Variants in BICC1 observed in about 807,000 individuals in gnomAD.
BICC1 encodes BicC family RNA binding protein 1.
A neutral mutation model predicts 111.0 loss-of-function variants in BICC1; 43 were observed. That is an observed-to-expected ratio of 0.39 (90% CI 0.30 to 0.50). The LOEUF is 0.50. Among genes scored for constraint, BICC1 ranks in the 20% least tolerant of loss-of-function variants. The pLI is 0.88. For synonymous variants in BICC1, 467 were observed against 434.4 expected (o/e 1.07, Z -0.93); for missense variants, 1,091 against 1,203.2 (o/e 0.91, Z 1.38).
intron 3 of BICC1, among the ~76,000 whole-genome samples, chr10:58,743,463 G>A (rs937182977): frequency 1.5e-5 from 1 of 68,216 alleles, no homozygotes; most frequent in African/African-American, 7.1e-5. Flanking sequence ...ACCATTTGCT[G>A]GGATTTTTTT....
At chr10:58,611,734 C>T (rs571143506) in intron 1 of BICC1, among the ~76,000 whole-genome samples, 2 of 151,976 alleles carry the variant, frequency 1.3e-5, no homozygotes, top group South Asian at 2.1e-4. Context: ...AGGTGATCCT[C>T]CCACCTCGGC....
chr10:58,523,424 A>G (rs188344093), intron 1 of BICC1, among the ~76,000 whole-genome samples: 2 of 152,366 alleles, frequency 1.3e-5, no homozygotes, highest in African/African-American at 4.8e-5. Flanking sequence ...AACGTAATCC[A>G]ACGTATAAAC....
At chr10:58,692,798 A>G (rs1008205882) in intron 2 of BICC1, among the ~76,000 whole-genome samples, 1 of 149,902 alleles carries the variant, frequency 6.7e-6, no homozygotes, top group East Asian at 2.0e-4. Context: ...TTTAATGTGA[A>G]GTTTTTTGTG....
chr10:58,754,486 A>G (rs1477418184), intron 3 of BICC1, among the ~76,000 whole-genome samples: 1 of 152,234 alleles, frequency 6.6e-6, no homozygotes, highest in Non-Finnish European at 1.5e-5. Flanking sequence ...TATTAAGAAA[A>G]TCCACAGCTG....
At chr10:58,565,629 A>G (rs1015690855) in intron 1 of BICC1, among the ~76,000 whole-genome samples, 2 of 152,122 alleles carry the variant, frequency 1.3e-5, no homozygotes, top group Non-Finnish European at 2.9e-5. Context: ...AACCTTTATC[A>G]TATTAATTAG....
In BICC1 at chr10:58,810,600, G is replaced by A. The variant is rs573497773; in HGVS notation, c.2377-3230G>A. On this transcript the variant is annotated intron_variant, in intron 17 of 20. Coordinates refer to ENST00000373886, the MANE Select transcript of BICC1 (RefSeq NM_001080512.3). The stretch of plus-strand genomic sequence containing the variant: ...CATGGTCTGATTTTCTGCAGCAGTG[G>A]CTGTGTATGTCTTTTCCTTTATTCT... Among the ~76,000 whole-genome samples the A allele has an allele frequency of 3.9e-5, 6 of 152,184 alleles. No individual in the cohort carries two copies. The East Asian group carries it at 1.2e-3, about 29-fold the overall frequency.
intron 1 of BICC1, among the ~76,000 whole-genome samples, chr10:58,601,272 G>A (rs950366737): frequency 1.3e-5 from 2 of 149,836 alleles, no homozygotes; most frequent in African/African-American, 4.9e-5. Context: ...GTTTTTATGT[G>A]TTTATTTAAA....
At chr10:58,644,532 G>A (rs1044666868) in intron 2 of BICC1, among the ~76,000 whole-genome samples, 2 of 152,188 alleles carry the variant, frequency 1.3e-5, no homozygotes, top group Non-Finnish European at 2.9e-5. Context: ...TTTAAGGCAT[G>A]TGTATCCTAT....
intron 1 of BICC1, among the ~76,000 whole-genome samples, chr10:58,548,798 T>C (rs7914888): frequency 0.49 from 74,392 of 151,870 alleles, 18,479 homozygotes; most frequent in South Asian, 0.55. Context: ...GTTGTTGTGT[T>C]TTTGGGGAGG....
chr10:58,806,972 T>C, intron 16 of BICC1, 32 bp from the exon 17 acceptor site: 3 of 1,592,882 alleles, frequency 1.9e-6, no homozygotes, highest in Non-Finnish European at 2.6e-6. Context: ...GCATTAAACA[T>C]ACCAAGCATT....
Position 58,789,773 on chromosome 10 carries a change from A to G in BICC1, c.887A>G (p.His296Arg). 1.2e-6 allele frequency: 2 copies of G among 1,614,142 alleles called. No individual in the cohort carries two copies. The highest frequency in any genetic ancestry group is 1.7e-6 in the Non-Finnish European group (2 of 1,180,020). Reference protein sequence around the residue: ...STQLDIAAQHHLFMMGRNGSN... With the variant: ...STQLDIAAQHRLFMMGRNGSN... ...CAACTAGATATTGCAGCTCAACATC[A>G]TCTCTTTATGATGGGTCGAAATGGG... The change falls in exon 8 of 21, where the codon CAT becomes CGT. Residue 296 changes from histidine to arginine, a missense_variant. By Grantham distance (29) the His-to-Arg change is conservative. Coordinates refer to ENST00000373886, the MANE Select transcript of BICC1 (RefSeq NM_001080512.3).
At chr10:58,585,264 G>GT (rs1467878293) in intron 1 of BICC1, among the ~76,000 whole-genome samples, 3 of 152,152 alleles carry the variant, frequency 2.0e-5, no homozygotes, top group African/African-American at 7.2e-5. Flanking sequence ...CTGTCCAACT[G>GT]TGACACAAAT....
chr10:58,626,460 G>A (rs866731100), intron 2 of BICC1, among the ~76,000 whole-genome samples: 2 of 152,162 alleles, frequency 1.3e-5, no homozygotes, highest in African/African-American at 4.8e-5. Flanking sequence ...AGTTACTAAA[G>A]ATGAGAATGG....
chr10:58,799,004 A>G, intron 11 of BICC1, 52 bp from the exon 12 acceptor site: 2 of 1,289,600 alleles, frequency 1.6e-6, no homozygotes, highest in Non-Finnish European at 2.1e-6. Flanking sequence ...TAAAAATAAT[A>G]GTTGAATCTG....
At chr10:58,813,504 A>G (rs1185982169) in intron 17 of BICC1, among the ~76,000 whole-genome samples, 1 of 152,164 alleles carries the variant, frequency 6.6e-6, no homozygotes, top group Non-Finnish European at 1.5e-5. Context: ...TTGGTCTCCA[A>G]AATTGGAAGG....
At chr10:58,765,271 G>C (rs1175907934) in intron 3 of BICC1, among the ~76,000 whole-genome samples, 1 of 150,286 alleles carries the variant, frequency 6.7e-6, no homozygotes, top group Non-Finnish European at 1.5e-5. Context: ...GGCCAGGCTG[G>C]TCTCGAACTC....
chr10:58,573,833 AG>A (rs35648367), intron 1 of BICC1, among the ~76,000 whole-genome samples: 55,215 of 151,944 alleles, frequency 0.36, 11,263 homozygotes, highest in Admixed American at 0.56. Flanking sequence ...CCTAAGCTTA[AG>A]GGTACTAATC....
intron 1 of BICC1, among the ~76,000 whole-genome samples, chr10:58,524,378 C>A (rs1017077278): frequency 5.3e-5 from 8 of 151,964 alleles, no homozygotes; most frequent in East Asian, 1.9e-4. Context: ...CAGAACAGAG[C>A]CCTCAGAAAT....
chr10:58,784,072 A>C (rs1192539791), intron 3 of BICC1, among the ~76,000 whole-genome samples: 1 of 152,010 alleles, frequency 6.6e-6, no homozygotes, highest in Admixed American at 6.6e-5. Flanking sequence ...ATACTCCTCA[A>C]GACTCTCTCA....
Sources: allele counts gnomAD v4.1 joint callset (sites outside exome capture counted in the v4.1 genomes callset), GRCh38; gene constraint gnomAD v4.1.1; transcripts MANE v1.5; gene names NCBI Gene and HGNC (gene_info 2026-07-23, HGNC 2026-07-21).